Variants in TP63 observed in about 807,000 individuals in gnomAD.
TP63 encodes tumor protein 63.
TP63 carries 17 observed loss-of-function variants against 82.8 expected under a neutral mutation model. The observed-to-expected ratio is 0.21, with a 90% CI of 0.14 to 0.31. TP63 has a LOEUF of 0.31. TP63 is among the 10% of genes least tolerant of loss of function. The pLI is 1.00. For missense variants in TP63, 648 were observed against 895.3 expected (o/e 0.72, Z 3.52); for synonymous variants, 330 against 321.7 (o/e 1.03, Z -0.28).
chr3:189,681,875 G>C (rs1230385426), intron 1 of TP63, among the ~76,000 whole-genome samples: 1 of 152,136 alleles, frequency 6.6e-6, no homozygotes, highest in Non-Finnish European at 1.5e-5. Context: ...TAGGGAACCA[G>C]GCAATCACCT....
At chr3:189,603,650 T>TAAAAAAAAA in the TP63 span, among the ~76,000 whole-genome samples, 1 of 50,740 alleles carries the variant, frequency 2.0e-5, no homozygotes, top group Non-Finnish European at 3.4e-5. Context: ...TTGCCTTCAT[T>TAAAAAAAAA]AAAAAAAAAA....
At chr3:189,631,356 A>T, upstream of TP63, 1 of 1,479,202 alleles carries the variant, frequency 6.8e-7, no homozygotes, top group South Asian at 1.3e-5. Context: ...GCCTCTTTGC[A>T]AATATGTATG....
chr3:189,697,401 G>T (rs1403318071), intron 1 of TP63, among the ~76,000 whole-genome samples: 3 of 151,634 alleles, frequency 2.0e-5, no homozygotes, highest in African/African-American at 7.3e-5. Flanking sequence ...CTGTTTCATT[G>T]ATCTATAAGT....
chr3:189,713,637 G>T (rs1718756436), intron 1 of TP63, among the ~76,000 whole-genome samples: 1 of 152,194 alleles, frequency 6.6e-6, no homozygotes, highest in Non-Finnish European at 1.5e-5. Flanking sequence ...ATTCAAAAAA[G>T]TGTTATATAT....
At chr3:189,732,388 G>A (rs957421142) in intron 1 of TP63, among the ~76,000 whole-genome samples, 1 of 152,188 alleles carries the variant, frequency 6.6e-6, no homozygotes, top group Non-Finnish European at 1.5e-5. Flanking sequence ...TGAGGGTATT[G>A]TTTTGACCCA....
At chr3:189,828,006 C>T (rs1293656832) in intron 4 of TP63, among the ~76,000 whole-genome samples, 2 of 152,008 alleles carry the variant, frequency 1.3e-5, no homozygotes, top group South Asian at 2.1e-4. Flanking sequence ...TTTGGGAGGC[C>T]GAGGCTGGTG....
At chr3:189,855,628 C>A (rs116762533) in intron 4 of TP63, among the ~76,000 whole-genome samples, 2,788 of 151,984 alleles carry the variant, frequency 0.018, 85 homozygotes, top group African/African-American at 0.063. Context: ...AAAATTAGAA[C>A]ATGCTCATGA....
At chr3:189,885,112 G>A (rs1175182677) in intron 10 of TP63, among the ~76,000 whole-genome samples, 1 of 152,168 alleles carries the variant, frequency 6.6e-6, no homozygotes, top group Admixed American at 6.5e-5. Flanking sequence ...CCTGTGACAG[G>A]GAAAAGGTAA....
intron 4 of TP63, among the ~76,000 whole-genome samples, chr3:189,849,159 C>T (rs1379460170): frequency 6.6e-6 from 1 of 152,210 alleles, no homozygotes; most frequent in African/African-American, 2.4e-5. Flanking sequence ...AAACTCTGCA[C>T]CTCTCCCCCC....
intron 3 of TP63, among the ~76,000 whole-genome samples, chr3:189,754,147 A>T (rs1276672235): frequency 6.6e-6 from 1 of 152,144 alleles, no homozygotes; most frequent in African/African-American, 2.4e-5. Context: ...AAGAATAGAG[A>T]ACTGCATGCA....
At chr3:189,831,706 T>C (rs1178551672) in intron 4 of TP63, among the ~76,000 whole-genome samples, 1 of 151,902 alleles carries the variant, frequency 6.6e-6, no homozygotes, top group Non-Finnish European at 1.5e-5. Context: ...ACGAGAACAC[T>C]GTAATTAAAG....
the TP63 span, among the ~76,000 whole-genome samples, chr3:189,608,080 A>G: frequency 3.3e-5 from 5 of 152,182 alleles, no homozygotes; most frequent in Non-Finnish European, 4.4e-5. Flanking sequence ...AATTACAATA[A>G]CCTGGCTTTA....
intron 10 of TP63, among the ~76,000 whole-genome samples, chr3:189,884,720 T>C (rs1283789742): frequency 6.6e-6 from 1 of 152,226 alleles, no homozygotes; most frequent in Non-Finnish European, 1.5e-5. Context: ...AAGAGAAAAG[T>C]CAATGCCCTC....
intron 3 of TP63, among the ~76,000 whole-genome samples, chr3:189,775,832 T>C (rs1560175110): frequency 6.6e-6 from 1 of 152,178 alleles, no homozygotes; most frequent in African/African-American, 2.4e-5. Context: ...GGCAGCTGAA[T>C]GGGATGATTG....
the TP63 span, among the ~76,000 whole-genome samples, chr3:189,611,448 G>C: frequency 8.5e-5 from 13 of 152,092 alleles, no homozygotes; most frequent in Non-Finnish European, 1.5e-4. Flanking sequence ...AAGATCAGAT[G>C]GTCATAGATG....
At chr3:189,887,206 C>T (rs112834865) in intron 11 of TP63, among the ~76,000 whole-genome samples, 2 of 134,022 alleles carry the variant, frequency 1.5e-5, no homozygotes, top group African/African-American at 5.7e-5. Flanking sequence ...GAGACTCAGT[C>T]TCAAAAAAAA....
chr3:189,694,676 G>A (rs1717208386), intron 1 of TP63, among the ~76,000 whole-genome samples: 1 of 151,228 alleles, frequency 6.6e-6, no homozygotes, highest in African/African-American at 2.4e-5. Flanking sequence ...ACTGTTGATG[G>A]TAATACTGAT....
At chr3:189,784,034 A>C (rs745573077) in intron 3 of TP63, among the ~76,000 whole-genome samples, 4 of 151,994 alleles carry the variant, frequency 2.6e-5, no homozygotes, top group Non-Finnish European at 4.4e-5. Context: ...TAAACACGGG[A>C]GGAAGACCAT....
At chr3:189,653,986 C>A (rs898462202) in intron 1 of TP63, among the ~76,000 whole-genome samples, 5 of 152,108 alleles carry the variant, frequency 3.3e-5, no homozygotes, top group African/African-American at 1.2e-4. Flanking sequence ...AATTCATCTT[C>A]CACTATGGCT....
Sources: gnomAD v4.1 joint callset for allele counts (sites outside exome capture counted in the v4.1 genomes callset) on GRCh38, gnomAD v4.1.1 for gene constraint, MANE v1.5 for transcripts, NCBI Gene and HGNC (gene_info 2026-07-23, HGNC 2026-07-21) for gene names.